ATP11A: variants seen among roughly 807,000 people sequenced by gnomAD.
ATP11A encodes ATPase phospholipid transporting 11A.
A neutral mutation model predicts 154.4 loss-of-function variants in ATP11A; 81 were observed. That is an observed-to-expected ratio of 0.52 (90% confidence interval 0.44 to 0.63). The LOEUF (loss-of-function observed/expected upper bound fraction) is 0.63. Among genes scored for constraint, ATP11A ranks in the 30% least tolerant of loss-of-function variants. The pLI is 0.00. For synonymous variants in ATP11A, 623 were observed against 585.9 expected, an observed-to-expected ratio of 1.06 and a Z score of -0.91; for missense variants, 1,316 against 1,474.3, an observed-to-expected ratio of 0.89 and a Z score of 1.76.
intron 1 of ATP11A, among the ~76,000 whole-genome samples, chr13:112,698,535 G>T (rs1886143101): frequency 6.6e-6 from 1 of 152,154 alleles, no homozygotes; most frequent in African/African-American, 2.4e-5. Context: ...CTGGCAGCCC[G>T]ACCTGAGAGA....
chr13:112,701,320 C>T (rs551044247), intron 1 of ATP11A, among the ~76,000 whole-genome samples: 5 of 152,302 alleles, frequency 3.3e-5, no homozygotes, highest in African/African-American at 7.2e-5. Flanking sequence ...TTCCAGGCAT[C>T]TCGGCAGTGT....
chr13:112,846,483 C>T (rs922860966), intron 17 of ATP11A, among the ~76,000 whole-genome samples: 1 of 152,196 alleles, frequency 6.6e-6, no homozygotes, highest in East Asian at 1.9e-4. Flanking sequence ...GTTTTGTATC[C>T]TCATGCCCCT....
At position 112,862,474 on chromosome 13, in the gene ATP11A, G is replaced by T; in HGVS notation, c.2890G>T (p.Val964Leu). The change falls in exon 25 of 30, where the codon GTG becomes TTG. Residue 964 changes from valine to leucine, a missense_variant. Around this residue, in one of 5 missense-constraint regions of ATP11A, gnomAD observed 294 missense variants for 290.2 expected, o/e 1.01. Transcript: ENST00000375645. Reference protein sequence around the residue: ...VAKNALLRWRVFIYWTLLGLF... With the variant: ...VAKNALLRWRLFIYWTLLGLF... ...CAAGAATGCCCTGCTGCGCTGGCGC[G>T]TGTTCATCTACTGGACGCTCCTGGG... 1 of 1,614,132 alleles carries T rather than the reference G, an allele frequency of 6.2e-7. No homozygotes were observed.
chr13:112,709,673 C>T (rs1319594875), intron 1 of ATP11A, among the ~76,000 whole-genome samples: 1 of 152,132 alleles, frequency 6.6e-6, no homozygotes, highest in Non-Finnish European at 1.5e-5. Context: ...GGAAGCCCCT[C>T]GCTTTGAGTT....
chr13:112,805,111 A>C, intron 3 of ATP11A, 65 bp downstream of exon 3: 1 of 1,199,608 alleles, frequency 8.3e-7, no homozygotes, highest in Non-Finnish European at 1.2e-6. Context: ...TTTTATTCTC[A>C]GGTAACTGCC....
At chr13:112,835,571 G>A (rs2079210648) in intron 15 of ATP11A, among the ~76,000 whole-genome samples, 1 of 152,174 alleles carries the variant, frequency 6.6e-6, no homozygotes, top group Non-Finnish European at 1.5e-5. Context: ...CCCCCATCAG[G>A]GCTCTGCCAA....
intron 1 of ATP11A, among the ~76,000 whole-genome samples, chr13:112,737,958 A>G (rs566856775): frequency 1.3e-5 from 2 of 152,344 alleles, no homozygotes; most frequent in African/African-American, 2.4e-5. Flanking sequence ...TGAAGAGTTC[A>G]CAGGTCCTCT....
intron 14 of ATP11A, among the ~76,000 whole-genome samples, chr13:112,834,106 A>T (rs1211104168): frequency 6.6e-6 from 1 of 152,208 alleles, no homozygotes; most frequent in African/African-American, 2.4e-5. Context: ...CATTGTATAG[A>T]TGGGTGCACC....
rs747373762 is a variant in ATP11A at position 112,816,117 on chromosome 13, C to G, written c.476C>G (p.Thr159Ser). 2 of 1,614,074 alleles carry G rather than the reference C, an allele frequency of 1.2e-6. No homozygotes were observed. The highest frequency in any genetic ancestry group is 1.7e-6 in the Non-Finnish European group (2 of 1,180,042). Residue 159 changes from threonine (T) to serine (S), a missense_variant, in exon 6 of 30, where the codon ACC becomes AGC. Transcript: ENST00000375645. ...GDIVMVKEDE[T>S]FPCDLIFLSS... is the part of the protein sequence containing the mutation. ...ATTGTCATGGTTAAGGAGGACGAGA[C>G]CTTTCCCTGCGACTTGATCTTCCTT...
At chr13:112,737,648 T>TCC (rs1373535726) in intron 1 of ATP11A, among the ~76,000 whole-genome samples, 1 of 152,222 alleles carries the variant, frequency 6.6e-6, no homozygotes, top group African/African-American at 2.4e-5. Flanking sequence ...GTCTGCCTTC[T>TCC]CCTTTTATCT....
At chr13:112,809,943 G>A (rs1446082552) in intron 4 of ATP11A, among the ~76,000 whole-genome samples, 3 of 152,212 alleles carry the variant, frequency 2.0e-5, no homozygotes, top group African/African-American at 7.2e-5. Flanking sequence ...CAGCGCGGCC[G>A]GGGTCAGGGT....
At chr13:112,732,840 C>A (rs12861867) in intron 1 of ATP11A, among the ~76,000 whole-genome samples, 14,039 of 152,116 alleles carry the variant, frequency 0.092, 698 homozygotes, top group Middle Eastern at 0.12. Flanking sequence ...CTTGAACTCC[C>A]GACCTCAGGT....
Position 112,858,135 on chromosome 13 carries a change from C to T in ATP11A, c.2522-10C>T, listed in dbSNP as rs201967695. 12 of 1,611,654 alleles carry T rather than the reference C, an allele frequency of 7.4e-6. No homozygotes were observed. The highest frequency in any genetic ancestry group is 5.3e-5 in the African/African-American group (4 of 75,010). On this transcript the variant is annotated splice_polypyrimidine_tract_variant and intron_variant, in intron 21 of 29. Coordinates refer to ENST00000375645, the MANE Select transcript of ATP11A (RefSeq NM_015205.3). ...AGCATTTCTTCAGCTCCTTCACCTC[C>T]GTCTTCTAGGTGTCATCGGCAAGGA...
chr13:112,765,265 C>T (rs77475282), intron 1 of ATP11A, among the ~76,000 whole-genome samples: 279 of 152,022 alleles, frequency 1.8e-3, no homozygotes, highest in Admixed American at 0.013. Flanking sequence ...GTTCCTGTGA[C>T]CTGGAGGCCT....
chr13:112,721,120 C>T lies in ATP11A; in HGVS notation c.39+30665C>T, dbSNP rs139933063. Among the ~76,000 whole-genome samples, 947 of 152,230 alleles carry T rather than the reference C, an allele frequency of 6.2e-3. 9 individuals carry two copies. Among genetic ancestry groups the T allele is most frequent in the African/African-American group, 0.019 (803 of 41,532 alleles). On this transcript the variant is annotated intron_variant, in intron 1 of 29. Transcript: ENST00000375645. ...GTGTATGTAAGGCCAGTCCTCTGTC[C>T]GGTCAGAAGTGGAAGGGTCTGGGTT...
intron 3 of ATP11A, among the ~76,000 whole-genome samples, chr13:112,805,672 CAAA>C (rs1220102979): frequency 2.4e-5 from 2 of 83,068 alleles, no homozygotes; most frequent in Non-Finnish European, 4.7e-5. Context: ...GAGACTGTCT[CAAA>C]AAAAAAAAAA....
chr13:112,802,101 T>A lies in ATP11A; in HGVS notation c.163-2856T>A, dbSNP rs568094546. Among the ~76,000 whole-genome samples, 6 of 152,162 alleles carry A rather than the reference T, an allele frequency of 3.9e-5. No individual in the cohort carries two copies. In the South Asian group the frequency reaches 1.2e-3, roughly 32 times the overall value. Reference sequence around the variant, plus strand: ...GGCTCACACCTGTCATCCCAGCACTTTGGGAGGCCGAGGCGGGCGGATCAC... The same window carrying A: ...GGCTCACACCTGTCATCCCAGCACTATGGGAGGCCGAGGCGGGCGGATCAC... On this transcript the variant is annotated intron_variant, in intron 2 of 29. Coordinates refer to ENST00000375645, the MANE Select transcript of ATP11A (RefSeq NM_015205.3).
chr13:112,757,441 A>G (rs891043867), intron 1 of ATP11A, among the ~76,000 whole-genome samples: 2 of 152,270 alleles, frequency 1.3e-5, no homozygotes, highest in South Asian at 2.1e-4. Context: ...TTACTGTCAC[A>G]GGTATTTGCG....
chr13:112,856,028 C>A lies in ATP11A; in HGVS notation c.2361C>A (p.Ile787=), dbSNP rs1382819732. 1 of 1,614,150 alleles carries A rather than the reference C, an allele frequency of 6.2e-7. No individual in the cohort carries two copies. The highest frequency in any genetic ancestry group is 1.7e-5 in the Admixed American group (1 of 60,030). Residue 787 remains isoleucine, a synonymous_variant, in exon 20 of 30, where the codon ATC becomes ATA. Coordinates refer to ENST00000375645, the MANE Select transcript of ATP11A (RefSeq NM_015205.3). ...SGNYRELFLE[I]CRSCSAVLCC... ...ACTACAGGGAGCTCTTCCTGGAAATCTGCCGGAGCTGCAGCGCGGTGCTCT... is the reference window on the plus strand; with the variant it reads ...ACTACAGGGAGCTCTTCCTGGAAATATGCCGGAGCTGCAGCGCGGTGCTCT...
Sources: allele counts gnomAD v4.1 joint callset (sites outside exome capture counted in the v4.1 genomes callset), GRCh38; gene constraint gnomAD v4.1.1; regional missense constraint gnomAD v4.1.1; transcripts MANE v1.5; gene names NCBI Gene and HGNC (gene_info 2026-07-23, HGNC 2026-07-21).